Variants in PAX2 observed in about 807,000 individuals in gnomAD.
The protein encoded by PAX2 is paired box 2, also known as paired box protein Pax-2.
Under a neutral mutation model 41.7 loss-of-function variants are expected in PAX2, and 9 were observed. The observed-to-expected ratio is 0.22, with a 90% CI of 0.13 to 0.38. PAX2 has a LOEUF of 0.38. Among genes scored for constraint, PAX2 ranks in the 10% least tolerant of loss-of-function variants. PAX2 has a pLI of 1.00. For synonymous variants in PAX2, 221 were observed against 212.7 expected (o/e 1.04, Z -0.34); for missense variants, 418 against 531.6 (o/e 0.79, Z 2.10).
intron 7 of PAX2, among the ~76,000 whole-genome samples, chr10:100,815,356 T>G (rs1470102457): frequency 6.6e-6 from 1 of 152,252 alleles, no homozygotes; most frequent in South Asian, 2.1e-4. Context: ...GTTCCTCTCC[T>G]TGAAAGGAGA....
intron 3 of PAX2, among the ~76,000 whole-genome samples, chr10:100,767,089 A>C (rs978157655): frequency 6.6e-6 from 1 of 152,206 alleles, no homozygotes; most frequent in Non-Finnish European, 1.5e-5. Flanking sequence ...ACAATGCAAT[A>C]ATACACGGTA....
intron 7 of PAX2, among the ~76,000 whole-genome samples, chr10:100,812,580 G>A (rs1331341544): frequency 2.6e-5 from 4 of 152,162 alleles, no homozygotes; most frequent in Non-Finnish European, 5.9e-5. Context: ...CATCTGCAGT[G>A]AGGACTCGCT....
At chr10:100,805,023 T>TCTCTCTC (rs1847720204) in intron 5 of PAX2, among the ~76,000 whole-genome samples, 3 of 94,956 alleles carry the variant, frequency 3.2e-5, no homozygotes, top group African/African-American at 1.3e-4. Context: ...CTCTCTCACA[T>TCTCTCTC]ACACACACAC....
chr10:100,758,804 ATC>A (rs1199662617), intron 3 of PAX2, among the ~76,000 whole-genome samples: 1 of 152,254 alleles, frequency 6.6e-6, no homozygotes. Flanking sequence ...GGATGGACTT[ATC>A]TCTCTGCCTT....
rs1000992435 is a variant in PAX2 at position 100,747,734 on chromosome 10, A to G, written c.43+1431A>G. 5.1e-6 allele frequency: 5 copies of G among 984,780 alleles called. No homozygotes were observed. In the African/African-American group the frequency reaches 7.0e-5, roughly 14 times the overall value. The allele number at this position is 984,780 out of a possible 1,614,324, so 61.0% of individuals were successfully genotyped here. A position where few individuals can be genotyped will look rare whatever the true frequency, so the allele number is the denominator to read the frequency against. ...TCTAAGTAATTTCCAAGCGCAGGAA[A>G]GCCGCGCCGAGGGCATCAGGCCTCC... On this transcript the variant is annotated intron_variant, in intron 1 of 9. Transcript: ENST00000355243.
At chr10:100,764,364 G>A (rs1221228182) in intron 3 of PAX2, among the ~76,000 whole-genome samples, 10 of 151,952 alleles carry the variant, frequency 6.6e-5, no homozygotes, top group Admixed American at 2.0e-4. Flanking sequence ...GGATGGTCTC[G>A]ATCTCCTGAC....
chr10:100,806,753 C>T (rs1471392214), intron 6 of PAX2, 148 bp downstream of exon 6: 15 of 775,418 alleles, frequency 1.9e-5, no homozygotes, highest in Admixed American at 3.6e-5. Context: ...TGAACAGGCT[C>T]ACATGAGACA....
In PAX2 at chr10:100,748,003, C is replaced by G. The variant is rs1275912862; in HGVS notation, c.43+1700C>G. On this transcript the variant is annotated intron_variant, in intron 1 of 9. Coordinates refer to ENST00000355243, the MANE Select transcript of PAX2 (RefSeq NM_000278.5). This position sits in a 1 kb window ranked among gnomAD's most constrained non-coding sequence, Gnocchi z 5.0. ...GAGGGAGAGAGCCGCAGCGCGGGCC[C>G]GCGGGCCGGTGGACTGGTGGGTGAG... is the stretch of plus-strand genomic sequence containing the variant. 2.0e-6 allele frequency: 2 copies of G among 984,322 alleles called. No individual in the cohort carries two copies. Among genetic ancestry groups the G allele is most frequent in the African/African-American group, 3.5e-5 (2 of 57,004 alleles). The allele number at this position is 984,322 out of a possible 1,614,324, so 61.0% of individuals were successfully genotyped here.
At chr10:100,797,391 T>C (rs1847376512) in intron 5 of PAX2, among the ~76,000 whole-genome samples, 1 of 152,374 alleles carries the variant, frequency 6.6e-6, no homozygotes, top group South Asian at 2.1e-4. Context: ...CTGGCTCCTC[T>C]GCCATCTGTG....
At chr10:100,751,459 A>G (rs2133837871) in intron 3 of PAX2, among the ~76,000 whole-genome samples, 1 of 152,286 alleles carries the variant, frequency 6.6e-6, no homozygotes, top group Non-Finnish European at 1.5e-5. Context: ...ACTGGCAGGG[A>G]GTAGAGGAGC....
chr10:100,808,601 AC>A (rs1266251779), intron 6 of PAX2, among the ~76,000 whole-genome samples: 8 of 151,508 alleles, frequency 5.3e-5, no homozygotes, highest in Non-Finnish European at 1.0e-4. Context: ...CCAATTTCAT[AC>A]CCCAGTGCAC....
At chr10:100,749,336 CTGCGGCGCAGGCGGGA>C in intron 1 of PAX2, 1 of 1,011,356 alleles carries the variant, frequency 9.9e-7, no homozygotes, top group South Asian at 4.6e-5. Flanking sequence ...CCCGGGTTGC[CTGCGGCGCAGGCGGGA>C]TGCTGCTTCG....
chr10:100,779,041 T>C (rs548688809), intron 3 of PAX2, among the ~76,000 whole-genome samples: 3 of 152,270 alleles, frequency 2.0e-5, no homozygotes, highest in South Asian at 2.1e-4. Flanking sequence ...TCTGAAGGAC[T>C]GTGACACAGT....
chr10:100,781,425 C>G, intron 5 of PAX2, 60 bp downstream of exon 5: 1 of 1,597,866 alleles, frequency 6.3e-7, no homozygotes, highest in Admixed American at 1.7e-5. Context: ...GGACTCCAAG[C>G]TCCGGTTTCG....
chr10:100,750,411 G>A lies in PAX2; in HGVS notation c.213-283G>A, dbSNP rs1449478064. ...GCTGTTCGTTTTGCTCTTCCCAAGT[G>A]AAAGGCTGGGCTTTCACTCCCACGG... On this transcript the variant is annotated intron_variant, in intron 2 of 9. Coordinates refer to ENST00000355243, the MANE Select transcript of PAX2 (RefSeq NM_000278.5). This position sits in a 1 kb window ranked among gnomAD's most constrained non-coding sequence, Gnocchi z 4.1. Among the ~76,000 whole-genome samples the A allele has an allele frequency of 5.3e-5, 8 of 152,158 alleles. No individual in the cohort carries two copies. Among genetic ancestry groups the A allele is most frequent in the Non-Finnish European group, 5.9e-5 (4 of 68,028 alleles).
upstream of PAX2, among the ~76,000 whole-genome samples, chr10:100,741,207 C>T (rs1030021663): frequency 6.6e-5 from 10 of 151,924 alleles, no homozygotes; most frequent in Non-Finnish European, 8.8e-5. Flanking sequence ...GGGAGTCAGG[C>T]CCCCCGGGCT....
chr10:100,736,368 C>T (rs1046746326), intron 1 of PAX2, among the ~76,000 whole-genome samples: 3 of 152,126 alleles, frequency 2.0e-5, no homozygotes, highest in Admixed American at 2.0e-4. Context: ...TTCCTTCCTT[C>T]GCTTGTCCCC....
chr10:100,827,546 C>A lies in PAX2; in HGVS notation c.1112C>A (p.Ser371Tyr). The A allele has an allele frequency of 6.2e-7, 1 of 1,613,770 alleles. No homozygotes were observed. The highest frequency in any genetic ancestry group is 8.5e-7 in the Non-Finnish European group (1 of 1,179,652). ...CTTCTCCTGTGTTAACTTCCAGGTT[C>A]CCCTTATTATTATAGTGCCGCCCCC... The part of the protein sequence containing the change: ...WRFSNPALLS[S>Y]PYYYSAAPRG... The change falls in exon 10 of 10, where the codon TCC becomes TAC. Residue 371 changes from serine to tyrosine, a missense_variant. By Grantham distance (144) the Ser-to-Tyr change is moderately radical. Coordinates refer to ENST00000355243, the MANE Select transcript of PAX2 (RefSeq NM_000278.5). The surrounding 1 kb of genome is among the most constrained non-coding windows in gnomAD (Gnocchi z 8.5).
chr10:100,796,888 A>G (rs1847358532), intron 5 of PAX2, among the ~76,000 whole-genome samples: 1 of 152,194 alleles, frequency 6.6e-6, no homozygotes, highest in South Asian at 2.1e-4. Context: ...GCTATGTGAC[A>G]TGGGAAAATT....
Sources: allele counts gnomAD v4.1 joint callset (sites outside exome capture counted in the v4.1 genomes callset), GRCh38; gene constraint gnomAD v4.1.1; non-coding constraint Gnocchi (gnomAD v3.1); transcripts MANE v1.5; gene names NCBI Gene and HGNC (gene_info 2026-07-23, HGNC 2026-07-21).